The following TENT4B variants were observed in gnomAD, a reference collection of about 807,000 sequenced individuals.
The protein encoded by TENT4B is terminal nucleotidyltransferase 4B.
In TENT4B, 10 loss-of-function variants were observed where a neutral mutation model predicts 75.0. The observed-to-expected ratio is 0.13, with a 90% CI of 0.08 to 0.23. The LOEUF is 0.23. TENT4B is among the 10% of genes least tolerant of loss of function. TENT4B has a pLI of 1.00. For synonymous variants in TENT4B, 350 were observed against 357.7 expected (o/e 0.98, Z 0.24); for missense variants, 579 against 893.8 (o/e 0.65, Z 4.49).
At chr16:50,191,128 G>C (rs1386647011) in intron 1 of TENT4B, among the ~76,000 whole-genome samples, 1 of 150,560 alleles carries the variant, frequency 6.6e-6, no homozygotes, top group East Asian at 1.9e-4. Context: ...TGGACATTTG[G>C]GTTGCTTTTA....
At chr16:50,185,350 A>C (rs1186247687) in intron 1 of TENT4B, among the ~76,000 whole-genome samples, 1 of 152,216 alleles carries the variant, frequency 6.6e-6, no homozygotes, top group Non-Finnish European at 1.5e-5. Flanking sequence ...TACAAAGTAC[A>C]GGACCAATTA....
chr16:50,196,377 G>A (rs965957497), intron 1 of TENT4B, among the ~76,000 whole-genome samples: 1 of 151,988 alleles, frequency 6.6e-6, no homozygotes, highest in Non-Finnish European at 1.5e-5. Flanking sequence ...TTATAGTAGT[G>A]GGCTTTTGTT....
chr16:50,223,785 T>C (rs2031929181), intron 7 of TENT4B, among the ~76,000 whole-genome samples: 1 of 152,240 alleles, frequency 6.6e-6, no homozygotes, highest in African/African-American at 2.4e-5. Flanking sequence ...AATATATCTT[T>C]GAATTCATGA....
At chr16:50,163,796 A>G (rs2038046058) in intron 1 of TENT4B, among the ~76,000 whole-genome samples, 3 of 151,704 alleles carry the variant, frequency 2.0e-5, no homozygotes, top group Admixed American at 2.0e-4. Flanking sequence ...ATCAATACGC[A>G]CTCTTACTGT....
rs1203808226 is a variant in TENT4B at position 50,230,601 on chromosome 16, A to G, written c.*1273A>G. On this transcript the variant is annotated 3_prime_UTR_variant, in exon 12 of 12. Coordinates refer to ENST00000561678, the MANE Select transcript of TENT4B (RefSeq NM_001365324.3). ...TGGATCTATTTTGTATTGCCTTATTAAGACCAAATACTTCTTGTCATCCCA... is the reference window on the plus strand; with the variant it reads ...TGGATCTATTTTGTATTGCCTTATTGAGACCAAATACTTCTTGTCATCCCA... 1.0e-6 allele frequency: 1 copy of G among 982,614 alleles called. No homozygotes were observed. The highest frequency in any genetic ancestry group is 1.2e-6 in the Non-Finnish European group (1 of 827,166). 60.9% of individuals were successfully genotyped at this position (982,614 alleles called of 1,614,324 possible).
intron 2 of TENT4B, among the ~76,000 whole-genome samples, chr16:50,212,596 A>G (rs569670107): frequency 7.2e-5 from 11 of 152,334 alleles, no homozygotes; most frequent in African/African-American, 2.2e-4. Flanking sequence ...GACAGTATGT[A>G]TATGACACTG....
intron 1 of TENT4B, among the ~76,000 whole-genome samples, chr16:50,164,338 C>T (rs972788829): frequency 4.0e-5 from 6 of 151,628 alleles, no homozygotes; most frequent in Non-Finnish European, 7.4e-5. Flanking sequence ...TAGATGAAGT[C>T]TCCCTCTGTC....
In TENT4B at chr16:50,229,798, T is replaced by G; in HGVS notation, c.*470T>G. ...CTGTGCATGTTTTTTTTTTAAATAT[T>G]TTTGCATATATTTACCATTTTATTG... is the stretch of plus-strand genomic sequence containing the variant. On this transcript the variant is annotated 3_prime_UTR_variant, in exon 12 of 12. Transcript: ENST00000561678. 1.0e-6 allele frequency: 1 copy of G among 966,642 alleles called. No homozygotes were observed. The highest frequency in any genetic ancestry group is 1.2e-6 in the Non-Finnish European group (1 of 812,738). The allele number at this position is 966,642 out of a possible 1,614,324, so 59.9% of individuals were successfully genotyped here.
intron 1 of TENT4B, among the ~76,000 whole-genome samples, chr16:50,161,828 C>T (rs1028573865): frequency 5.3e-5 from 8 of 152,130 alleles, no homozygotes; most frequent in African/African-American, 1.9e-4. Flanking sequence ...ACCAGTTTCA[C>T]ATGTATTTGT....
intron 8 of TENT4B, 52 bp downstream of exon 8, chr16:50,224,835 T>A: frequency 1.9e-6 from 3 of 1,612,420 alleles, no homozygotes; most frequent in Non-Finnish European, 2.5e-6. Flanking sequence ...TTGTGGCTTC[T>A]TATCTTCAAA....
chr16:50,216,024 A>C (rs1286496007), intron 3 of TENT4B, 51 bp from the exon 4 acceptor site: 1 of 1,608,456 alleles, frequency 6.2e-7, no homozygotes, highest in African/African-American at 1.3e-5. Context: ...TGTCAGTTAA[A>C]ACAAGTTTCC....
chr16:50,180,708 CAAAA>C (rs34092547), intron 1 of TENT4B, among the ~76,000 whole-genome samples: 7 of 126,804 alleles, frequency 5.5e-5, no homozygotes, highest in Non-Finnish European at 1.1e-4. Context: ...GACTCCATCT[CAAAA>C]AAAAAAAAAA....
intron 2 of TENT4B, among the ~76,000 whole-genome samples, chr16:50,213,339 G>T (rs557914859): frequency 6.6e-6 from 1 of 152,172 alleles, no homozygotes; most frequent in Admixed American, 6.5e-5. Context: ...GATTACAGGC[G>T]TGAGCCACTG....
chr16:50,196,003 G>A (rs554120445), intron 1 of TENT4B, among the ~76,000 whole-genome samples: 12 of 152,250 alleles, frequency 7.9e-5, no homozygotes, highest in Non-Finnish European at 1.5e-4. Context: ...GCTTTGGAGC[G>A]GAAGAAATAG....
At chr16:50,208,643 T>C (rs911444630) in intron 1 of TENT4B, among the ~76,000 whole-genome samples, 1 of 152,212 alleles carries the variant, frequency 6.6e-6, no homozygotes, top group African/African-American at 2.4e-5. Context: ...CATTGTTAGA[T>C]GGAAGTGACC....
At chr16:50,222,744 A>G (rs1038528199) in intron 6 of TENT4B, among the ~76,000 whole-genome samples, 2 of 152,234 alleles carry the variant, frequency 1.3e-5, no homozygotes, top group Admixed American at 6.5e-5. Flanking sequence ...AATGCCAACA[A>G]TAAGAATGTC....
intron 7 of TENT4B, 89 bp downstream of exon 7, chr16:50,223,476 T>C (rs1028882607): frequency 1.9e-5 from 16 of 830,336 alleles, no homozygotes; most frequent in Non-Finnish European, 2.9e-5. Flanking sequence ...AGATGAAAAA[T>C]GAAGGAACAA....
At chr16:50,161,342 AG>A (rs1567475108) in intron 1 of TENT4B, among the ~76,000 whole-genome samples, 2 of 152,192 alleles carry the variant, frequency 1.3e-5, no homozygotes, top group African/African-American at 2.4e-5. Context: ...CTGAATGTTG[AG>A]CCATTTATGT....
At chr16:50,224,580 C>T (rs1183600005) in intron 7 of TENT4B, 77 bp from the exon 8 acceptor site, 3 of 1,573,118 alleles carry the variant, frequency 1.9e-6, no homozygotes, top group Admixed American at 1.7e-5. Flanking sequence ...CCCTTGCTCT[C>T]CTGGAAGAGA....
Sources: allele counts gnomAD v4.1 joint callset (sites outside exome capture counted in the v4.1 genomes callset), GRCh38; gene constraint gnomAD v4.1.1; transcripts MANE v1.5; gene names NCBI Gene and HGNC (gene_info 2026-07-23, HGNC 2026-07-21).